Variants in WDR27 observed in about 807,000 individuals in gnomAD.
WDR27 encodes the protein WD repeat domain 27, also known as WD repeat-containing protein 27.
WDR27 carries 100 observed loss-of-function variants against 114.4 expected under a neutral mutation model. That is an observed-to-expected ratio of 0.87 (90% CI 0.74 to 1.03). The LOEUF (loss-of-function observed/expected upper bound fraction) is 1.03, where lower values mean the gene tolerates loss of function less well. WDR27 is among the 50% of genes least tolerant of loss of function. The pLI is 0.00. For missense variants in WDR27, 1,129 were observed against 1,092.9 expected (o/e 1.03, Z -0.47); for synonymous variants, 449 against 423.1 (o/e 1.06, Z -0.75).
At chr6:169,523,333 G>A (rs1189266155) in intron 25 of WDR27, among the ~76,000 whole-genome samples, 1 of 152,060 alleles carries the variant, frequency 6.6e-6, no homozygotes, top group Non-Finnish European at 1.5e-5. Context: ...ACAATCTGTT[G>A]ACTTCACTGC....
intron 23 of WDR27, among the ~76,000 whole-genome samples, chr6:169,593,868 CAAACAAACAAA>C (rs752577854): frequency 1.2e-3 from 121 of 98,326 alleles, no homozygotes; most frequent in Middle Eastern, 5.5e-3. Flanking sequence ...AACAAACAAA[CAAACAAACAAA>C]AAACAAAAAA....
chr6:169,694,025 T>C (rs1785174910), intron 1 of WDR27, among the ~76,000 whole-genome samples: 1 of 152,172 alleles, frequency 6.6e-6, no homozygotes. Flanking sequence ...AATGTAACAG[T>C]CATGCCGGGC....
At chr6:169,445,992 C>T in the WDR27 span, among the ~76,000 whole-genome samples, 1 of 152,244 alleles carries the variant, frequency 6.6e-6, no homozygotes, top group African/African-American at 2.4e-5. Context: ...ACAGGCTCCA[C>T]AATGAGGTGT....
rs903455520 is a variant in WDR27 at position 169,613,565 on chromosome 6, G to T, written c.2315C>A (p.Thr772Asn). ...GDGMRLWDLR[T>N]LRCERHFEGH... is the part of the protein sequence containing the mutation. ...GGGCGCAGGACAGCCTTACCTCAGG[G>T]TTCTCAGGTCCCACAGTCTCATCCC... Residue 772 changes from threonine (T) to asparagine (N), a missense_variant, in exon 22 of 26, where the codon ACC becomes AAC. By Grantham distance (65) the Thr-to-Asn change is moderately conservative (BLOSUM62 0). Coordinates refer to ENST00000448612, the MANE Select transcript of WDR27 (RefSeq NM_182552.5). 6.2e-7 allele frequency: 1 copy of T among 1,613,564 alleles called. No individual in the cohort carries two copies. Among genetic ancestry groups the T allele is most frequent in the South Asian group, 1.1e-5 (1 of 91,062 alleles).
intron 25 of WDR27, among the ~76,000 whole-genome samples, chr6:169,501,122 G>A (rs1791161774): frequency 6.6e-6 from 1 of 152,272 alleles, no homozygotes; most frequent in Non-Finnish European, 1.5e-5. Flanking sequence ...GCAAACAGGT[G>A]TGTGGGATTT....
At chr6:169,467,077 C>T (rs1185165195) in intron 25 of WDR27, among the ~76,000 whole-genome samples, 1 of 152,190 alleles carries the variant, frequency 6.6e-6, no homozygotes, top group Non-Finnish European at 1.5e-5. Context: ...AATCTTAAAG[C>T]TCCAAAAATC....
chr6:169,632,995 C>A lies in WDR27; in HGVS notation c.2175G>T (p.Val725=). The change falls in exon 21 of 26, where the codon GTG becomes GTT. Residue 725 remains valine (V), a synonymous_variant. Transcript: ENST00000448612. ...CAGGCCGTGAGTGGGCTTCCGCTATCACCGCTGCACTGCAGCCGGCGTTGA... is the reference window on the plus strand; with the variant it reads ...CAGGCCGTGAGTGGGCTTCCGCTATAACCGCTGCACTGCAGCCGGCGTTGA... ...FDLNAGCSAA[V]IAEAHSRPVH... 1 of 1,596,554 alleles carries A rather than the reference C, an allele frequency of 6.3e-7. No individual in the cohort carries two copies. The highest frequency in any genetic ancestry group is 8.6e-7 in the Non-Finnish European group (1 of 1,165,900).
chr6:169,435,549 T>C, the WDR27 span, among the ~76,000 whole-genome samples: 9 of 152,338 alleles, frequency 5.9e-5, no homozygotes, highest in Middle Eastern at 3.4e-3. Flanking sequence ...ACGTGAGACA[T>C]GGAGTCAAAG....
intron 21 of WDR27, among the ~76,000 whole-genome samples, chr6:169,618,371 G>A (rs1160367004): frequency 6.6e-6 from 1 of 151,358 alleles, no homozygotes; most frequent in African/African-American, 2.4e-5. Flanking sequence ...AATATATAAA[G>A]TATCTACACC....
chr6:169,646,293 T>C (rs1820731531), intron 16 of WDR27, among the ~76,000 whole-genome samples: 1 of 152,124 alleles, frequency 6.6e-6, no homozygotes, highest in Non-Finnish European at 1.5e-5. Context: ...TGTTCAAGGT[T>C]GTGAACAGGA....
intron 8 of WDR27, 42 bp from the exon 9 acceptor site, chr6:169,662,466 T>A (rs2128274697): frequency 6.2e-7 from 1 of 1,604,716 alleles, no homozygotes; most frequent in East Asian, 2.2e-5. Flanking sequence ...TGAACTTAAA[T>A]GCATCCGTCA....
At chr6:169,656,448 T>C (rs1824213415) in intron 13 of WDR27, among the ~76,000 whole-genome samples, 1 of 152,068 alleles carries the variant, frequency 6.6e-6, no homozygotes, top group Non-Finnish European at 1.5e-5. Flanking sequence ...CTTCTGCTGC[T>C]GTCAATTGTT....
chr6:169,526,431 G>A (rs1180435614), intron 25 of WDR27, among the ~76,000 whole-genome samples: 1 of 152,042 alleles, frequency 6.6e-6, no homozygotes, highest in Non-Finnish European at 1.5e-5. Context: ...TGGCCAACAT[G>A]GTGAAACCCC....
intron 21 of WDR27, 52 bp downstream of exon 21, chr6:169,632,895 C>T (rs1816756920): frequency 6.6e-7 from 1 of 1,514,630 alleles, no homozygotes; most frequent in Non-Finnish European, 9.0e-7. Flanking sequence ...CTGTTAAATG[C>T]TTTAAGCACA....
intron 23 of WDR27, among the ~76,000 whole-genome samples, chr6:169,592,581 T>C (rs1298811920): frequency 6.6e-6 from 1 of 152,250 alleles, no homozygotes; most frequent in Non-Finnish European, 1.5e-5. Flanking sequence ...ATTGTTCATA[T>C]TGGCCACTAA....
At chr6:169,532,074 T>A (rs892761815) in intron 25 of WDR27, among the ~76,000 whole-genome samples, 6 of 152,226 alleles carry the variant, frequency 3.9e-5, no homozygotes, top group African/African-American at 9.6e-5. Flanking sequence ...TATTTAAAGT[T>A]TAGATACAAC....
At chr6:169,689,770 G>A in intron 1 of WDR27, among the ~76,000 whole-genome samples, 1 of 152,252 alleles carries the variant, frequency 6.6e-6, no homozygotes, top group East Asian at 1.9e-4. Flanking sequence ...TGCACCTGAA[G>A]GCACAGACAA....
At chr6:169,543,902 T>C (rs73039910) in intron 25 of WDR27, among the ~76,000 whole-genome samples, 3 of 152,324 alleles carry the variant, frequency 2.0e-5, no homozygotes, top group Non-Finnish European at 4.4e-5. Flanking sequence ...ATTAATCATA[T>C]AGAAAACATC....
rs769360319 is a variant in WDR27, at chr6:169,672,388, G to A, written c.198C>T (p.Ile66=). 20 of 1,595,788 alleles carry A rather than the reference G, an allele frequency of 1.3e-5. No individual in the cohort carries two copies. The Admixed American group carries it at 2.7e-4, about 21-fold the overall frequency. The change falls in exon 3 of 26, where the codon ATC becomes ATT. Residue 66 remains isoleucine (I), a synonymous_variant. Transcript: ENST00000448612. The part of the protein sequence containing the change: ...NTKDPSHQLL[I]LRGHHQPITA... Reference sequence around the variant, plus strand: ...TAATTGGCTGATGGTGTCCTCGTAGGATTAGAAGCTGGGAAAATTAACAAA... The same window carrying A: ...TAATTGGCTGATGGTGTCCTCGTAGAATTAGAAGCTGGGAAAATTAACAAA...
Sources: gnomAD v4.1 joint callset for allele counts (sites outside exome capture counted in the v4.1 genomes callset) on GRCh38, gnomAD v4.1.1 for gene constraint, MANE v1.5 for transcripts, NCBI Gene and HGNC (gene_info 2026-07-23, HGNC 2026-07-21) for gene names.